Variants in EVC observed in about 807,000 individuals in gnomAD.
The protein encoded by EVC is evC complex member EVC.
In EVC, 116 loss-of-function variants were observed where a neutral mutation model predicts 118.9. The observed-to-expected ratio is 0.98, with a 90% CI of 0.84 to 1.14. The LOEUF is 1.14. Ranked by LOEUF, EVC falls within the 50% of genes most tolerant of loss-of-function variation. EVC has a pLI of 0.00. For synonymous variants in EVC, 619 were observed against 534.7 expected (o/e 1.16, Z -2.18); for missense variants, 1,401 against 1,246.4 (o/e 1.12, Z -1.87).
Position 5,791,276 on chromosome 4 carries a change from G to A in EVC, c.1777-2332G>A, listed in dbSNP as rs1020400012. Among the ~76,000 whole-genome samples, 9 of 152,210 alleles carry A rather than the reference G, an allele frequency of 5.9e-5. No homozygotes were observed. In the South Asian group the frequency reaches 1.5e-3, roughly 25 times the overall value. On this transcript the variant is annotated intron_variant, in intron 12 of 20. Coordinates refer to ENST00000264956, the MANE Select transcript of EVC (RefSeq NM_153717.3). ...ATGGAAAATATAGAAGAAGAGACAT[G>A]GAGAATAGGATGACAAAATCCTATA...
chr4:5,731,691 C>A lies in EVC; in HGVS notation c.617+34C>A, dbSNP rs781009030. ...AGCGGGCAATGGAGGATGAGGCTTC[C>A]AGTCCTCTTGGAGTGGGCCGGGAGT... On this transcript the variant is annotated intron_variant, in intron 4 of 20. Coordinates refer to ENST00000264956, the MANE Select transcript of EVC (RefSeq NM_153717.3). This position sits in a 1 kb window ranked among gnomAD's most constrained non-coding sequence, Gnocchi z 5.6. The A allele has an allele frequency of 2.5e-6, 4 of 1,585,442 alleles. No individual in the cohort carries two copies. The South Asian group carries it at 4.5e-5, about 18-fold the overall frequency.
chr4:5,802,926 C>A (rs1715265474), intron 16 of EVC, among the ~76,000 whole-genome samples: 1 of 152,096 alleles, frequency 6.6e-6, no homozygotes, highest in Admixed American at 6.6e-5. Context: ...CCTGCAAATC[C>A]TAATTAGACG....
At chr4:5,826,779 G>A in the EVC span, 1 of 152,818 alleles carries the variant, frequency 6.5e-6, no homozygotes, top group Non-Finnish European at 1.5e-5. Context: ...CCTGACCCCA[G>A]GCCTGGCTCC....
At chr4:5,728,054 G>A (rs1046015192) in intron 2 of EVC, among the ~76,000 whole-genome samples, 129 of 151,802 alleles carry the variant, frequency 8.5e-4, no homozygotes, top group Non-Finnish European at 1.5e-3. Context: ...TTGGCGATGC[G>A]GGCTCTTTTT....
At chr4:5,733,034 T>C (rs1310137718) in intron 4 of EVC, among the ~76,000 whole-genome samples, 2 of 152,190 alleles carry the variant, frequency 1.3e-5, no homozygotes, top group Non-Finnish European at 2.9e-5. Context: ...AATAAATTTT[T>C]TTTTAGAAAA....
Position 5,746,961 on chromosome 4 carries a change from A to G in EVC, c.940-1187A>G, listed in dbSNP as rs1032687195. 6.6e-6 allele frequency among the ~76,000 whole-genome samples: 1 copy of G among 152,108 alleles called. No homozygotes were observed. The highest frequency in any genetic ancestry group is 1.5e-5 in the Non-Finnish European group (1 of 68,034). Reference sequence around the variant, plus strand: ...GCAGAGCGGGCTGTGTAGAGTTGGCAGGTGACAGTCTGCAGTCACGTGGCA... The same window carrying G: ...GCAGAGCGGGCTGTGTAGAGTTGGCGGGTGACAGTCTGCAGTCACGTGGCA... On this transcript the variant is annotated intron_variant, in intron 7 of 20. Coordinates refer to ENST00000264956, the MANE Select transcript of EVC (RefSeq NM_153717.3). The surrounding 1 kb of genome is among the most constrained non-coding windows in gnomAD (Gnocchi z 5.8).
chr4:5,824,312 AT>A, the EVC span: 1 of 985,416 alleles, frequency 1.0e-6, no homozygotes, highest in Non-Finnish European at 1.2e-6. Context: ...TTTAGGGTCC[AT>A]TTTGTGCAAA....
intron 12 of EVC, among the ~76,000 whole-genome samples, chr4:5,786,871 C>CAAA (rs375303542): frequency 7.4e-5 from 7 of 95,132 alleles, no homozygotes; most frequent in Admixed American, 1.1e-4. Flanking sequence ...GACTCCGTCT[C>CAAA]AAAAAAAAAA....
intron 3 of EVC, among the ~76,000 whole-genome samples, chr4:5,729,663 C>T (rs578211088): frequency 6.6e-6 from 1 of 152,278 alleles, no homozygotes; most frequent in Admixed American, 6.5e-5. Context: ...CTAATACAAA[C>T]ACTGATACCG....
At position 5,813,814 on chromosome 4, in the gene EVC, C is replaced by G. The variant is rs370864392; in HGVS notation, c.*2777C>G. On this transcript the variant is annotated 3_prime_UTR_variant, in exon 21 of 21. Coordinates refer to ENST00000264956, the MANE Select transcript of EVC (RefSeq NM_153717.3). ...AAAGGGAACGTGTCATTTGCTCGAC[C>G]CTGGCCCACCCTTGCCGCCCAGCTG... 10 of 152,354 alleles carry G rather than the reference C, an allele frequency of 6.6e-5. No homozygotes were observed. The East Asian group carries it at 1.2e-3, about 18-fold the overall frequency. The allele number at this position is 152,354 out of a possible 1,614,324, so 9.4% of individuals were successfully genotyped here. A position where few individuals can be genotyped will look rare whatever the true frequency, so the allele number is the denominator to read the frequency against.
intron 6 of EVC, among the ~76,000 whole-genome samples, chr4:5,744,898 G>T (rs994182760): frequency 6.6e-6 from 1 of 151,568 alleles, no homozygotes; most frequent in Non-Finnish European, 1.5e-5. Flanking sequence ...CCCACTGGAT[G>T]TCATGATATT....
At chr4:5,815,177 T>C (rs181908728), downstream of EVC, among the ~76,000 whole-genome samples, 134 of 152,030 alleles carry the variant, frequency 8.8e-4, 2 homozygotes, top group African/African-American at 3.1e-3. Flanking sequence ...GTAAGGAATG[T>C]GTCAGTGAAC....
Position 5,810,409 on chromosome 4 carries a change from T to G in EVC, c.2853T>G (p.Asn951Lys), listed in dbSNP as rs371561252. The change falls in exon 20 of 21, where the codon AAT (asparagine) becomes AAG (lysine). Residue 951 changes from asparagine to lysine, a missense_variant. Transcript: ENST00000264956. Reference sequence around the variant, plus strand: ...GAGGGGACCTGGGGGTGCCCAACAATGAGGACCTTGCCTCCGGGGACCAGA... The same window carrying G: ...GAGGGGACCTGGGGGTGCCCAACAAGGAGGACCTTGCCTCCGGGGACCAGA... ...QERGDLGVPNNEDLASGDQTS... is the reference protein window; with the variant it reads ...QERGDLGVPNKEDLASGDQTS... 1 of 1,613,594 alleles carries G rather than the reference T, an allele frequency of 6.2e-7. No individual in the cohort carries two copies. Among genetic ancestry groups the G allele is most frequent in the Non-Finnish European group, 8.5e-7 (1 of 1,179,904 alleles).
rs1259898641 is a variant in EVC, at chr4:5,801,932, C to T, written c.2305-18C>T. The T allele has an allele frequency of 1.9e-6, 3 of 1,612,184 alleles. No homozygotes were observed. The highest frequency in any genetic ancestry group is 4.5e-5 in the East Asian group (2 of 44,862). ...GTGTGACTTCTCTGCTGTCCCTGTCCTTCCTTTCTTCCCTCAGAGGACACT... is the reference window on the plus strand; with the variant it reads ...GTGTGACTTCTCTGCTGTCCCTGTCTTTCCTTTCTTCCCTCAGAGGACACT... On this transcript the variant is annotated intron_variant, in intron 15 of 20. Transcript: ENST00000264956.
In EVC at chr4:5,755,964, T is replaced by C. The variant is rs1731107866; in HGVS notation, c.1465-300T>C. 6.6e-6 allele frequency among the ~76,000 whole-genome samples: 1 copy of C among 152,138 alleles called. No homozygotes were observed. Among genetic ancestry groups the C allele is most frequent in the African/African-American group, 2.4e-5 (1 of 41,428 alleles). ...CATGGCCTGGGTGGTCAGAAAGTGATGTCTGGGTGGCTGCAGCCAGGACAG... is the reference window on the plus strand; with the variant it reads ...CATGGCCTGGGTGGTCAGAAAGTGACGTCTGGGTGGCTGCAGCCAGGACAG... On this transcript the variant is annotated intron_variant, in intron 10 of 20. Coordinates refer to ENST00000264956, the MANE Select transcript of EVC (RefSeq NM_153717.3). This position sits in a 1 kb window ranked among gnomAD's most constrained non-coding sequence, Gnocchi z 4.1.
At position 5,741,878 on chromosome 4, in the gene EVC, T is replaced by C. The variant is rs576470062; in HGVS notation, c.801+64T>C. The C allele has an allele frequency of 4.3e-4, 374 of 862,140 alleles. 2 individuals are homozygous for C. The African/African-American group carries it at 5.6e-3, about 13-fold the overall frequency. The allele number at this position is 862,140 out of a possible 1,614,324, so 53.4% of individuals were successfully genotyped here. A position where few individuals can be genotyped will look rare whatever the true frequency, so the allele number is the denominator to read the frequency against. On this transcript the variant is annotated intron_variant, in intron 6 of 20. Coordinates refer to ENST00000264956, the MANE Select transcript of EVC (RefSeq NM_153717.3). ...AGTTTATTATAATATATACAACTTA[T>C]GATGCAAAAATTTTTTTCTTTCATG...
At chr4:5,783,254 GTGTA>G in intron 11 of EVC, among the ~76,000 whole-genome samples, 1 of 152,276 alleles carries the variant, frequency 6.6e-6, no homozygotes, top group East Asian at 1.9e-4. Flanking sequence ...GTGTGCATGT[GTGTA>G]TATGTGCCTG....
rs182343325 is a variant in EVC at position 5,812,004 on chromosome 4, T to A, written c.*967T>A. 2.0e-4 allele frequency: 28 copies of A among 143,446 alleles called. No individual in the cohort carries two copies. The highest frequency in any genetic ancestry group is 4.2e-5 in the Non-Finnish European group (3 of 70,766). The allele number at this position is 143,446 out of a possible 1,614,324, so 8.9% of individuals were successfully genotyped here. On this transcript the variant is annotated 3_prime_UTR_variant, in exon 21 of 21. Transcript: ENST00000264956. ...ACAGCCAGGAGAGGCCTTTCCCACC[T>A]GGACAGAAACTTCCAGACCAGCCCC...
At chr4:5,824,738 A>G in the EVC span, 1 of 985,322 alleles carries the variant, frequency 1.0e-6, no homozygotes, top group Non-Finnish European at 1.2e-6. Flanking sequence ...CTAAGAAAAA[A>G]AATCACCATA....
Sources: allele counts gnomAD v4.1 joint callset (sites outside exome capture counted in the v4.1 genomes callset), GRCh38; gene constraint gnomAD v4.1.1; non-coding constraint Gnocchi (gnomAD v3.1); transcripts MANE v1.5; gene names NCBI Gene and HGNC (gene_info 2026-07-23, HGNC 2026-07-21).